XIRP2: variants seen among roughly 807,000 people sequenced by gnomAD.
XIRP2 encodes the protein xin actin binding repeat containing 2, also known as xin actin-binding repeat-containing protein 2.
XIRP2 carries 236 observed loss-of-function variants against 277.0 expected under a neutral mutation model. The observed-to-expected ratio is 0.85, with a 90% CI of 0.77 to 0.95. The LOEUF is 0.95. XIRP2 is among the 40% of genes least tolerant of loss of function. The probability of loss-of-function intolerance (pLI) is 0.00; values close to 1 mark genes in which losing one functional copy is unlikely to be tolerated. For missense variants in XIRP2, 4,640 were observed against 4,157.5 expected (o/e 1.12, Z -3.19); for synonymous variants, 1,490 against 1,416.5 (o/e 1.05, Z -1.17).
chr2:167,151,920 G>C (rs1176002344), intron 3 of XIRP2, among the ~76,000 whole-genome samples: 1 of 151,972 alleles, frequency 6.6e-6, no homozygotes, highest in Non-Finnish European at 1.5e-5. Flanking sequence ...CTTGAGCCTG[G>C]CAAGATGTTT....
intron 2 of XIRP2, among the ~76,000 whole-genome samples, chr2:166,941,385 G>T (rs1169125834): frequency 6.6e-6 from 1 of 152,190 alleles, no homozygotes; most frequent in Non-Finnish European, 1.5e-5. Flanking sequence ...CTGACCCCTT[G>T]CACTTCCCAG....
At chr2:167,031,474 A>G (rs1436263581) in intron 2 of XIRP2, among the ~76,000 whole-genome samples, 1 of 152,110 alleles carries the variant, frequency 6.6e-6, no homozygotes, top group African/African-American at 2.4e-5. Flanking sequence ...GCTGGATATG[A>G]AATTCTGGTT....
intron 5 of XIRP2, among the ~76,000 whole-genome samples, chr2:167,229,829 C>A (rs574177465): frequency 9.9e-5 from 15 of 152,156 alleles, no homozygotes; most frequent in Non-Finnish European, 1.9e-4. Context: ...GTTAGGGTAA[C>A]TTCATTTTTG....
intron 3 of XIRP2, among the ~76,000 whole-genome samples, chr2:167,202,958 G>A (rs1450498055): frequency 1.3e-5 from 2 of 152,004 alleles, no homozygotes; most frequent in South Asian, 2.1e-4. Context: ...TCCCATCTTC[G>A]AAGCCAGCAG....
intron 2 of XIRP2, among the ~76,000 whole-genome samples, chr2:166,926,936 A>T (rs1012618360): frequency 1.3e-5 from 2 of 152,144 alleles, no homozygotes; most frequent in African/African-American, 4.8e-5. Flanking sequence ...TGCTTATTTT[A>T]AATAGTCAAC....
intron 1 of XIRP2, among the ~76,000 whole-genome samples, chr2:166,892,715 C>A (rs1255795493): frequency 6.6e-6 from 1 of 151,268 alleles, no homozygotes; most frequent in Non-Finnish European, 1.5e-5. Context: ...TCTGAAATAA[C>A]CTTTGATGGG....
chr2:167,249,081 G>C lies in XIRP2; in HGVS notation c.7689G>C (p.Gln2563His). 3 of 1,613,444 alleles carry C rather than the reference G, an allele frequency of 1.9e-6. No individual in the cohort carries two copies. The highest frequency in any genetic ancestry group is 2.5e-6 in the Non-Finnish European group (3 of 1,179,752). ...AAGAAGAAATTGAAAAACAGAAACA[G>C]GAGAGTTCTTACTACAACATTGTTA... Reference protein sequence around the residue: ...QQKEEIEKQKQESSYYNIVKT... With the variant: ...QQKEEIEKQKHESSYYNIVKT... Residue 2563 changes from glutamine (Q) to histidine (H), a missense_variant, in exon 9 of 11, where the codon CAG (glutamine) becomes CAC (histidine). Coordinates refer to ENST00000409195, the MANE Select transcript of XIRP2 (RefSeq NM_152381.6).
At chr2:167,105,537 G>T (rs966024671) in intron 2 of XIRP2, among the ~76,000 whole-genome samples, 2 of 151,796 alleles carry the variant, frequency 1.3e-5, no homozygotes, top group Non-Finnish European at 2.9e-5. Context: ...ATACCAGATT[G>T]TTTAACTATT....
At chr2:166,964,904 G>C (rs928298756) in intron 2 of XIRP2, among the ~76,000 whole-genome samples, 1 of 151,618 alleles carries the variant, frequency 6.6e-6, no homozygotes, top group African/African-American at 2.4e-5. Flanking sequence ...TAACCCAAAG[G>C]TTTGTTTTTC....
At chr2:166,980,688 G>A (rs1225505012) in intron 2 of XIRP2, among the ~76,000 whole-genome samples, 1 of 152,120 alleles carries the variant, frequency 6.6e-6, no homozygotes, top group African/African-American at 2.4e-5. Flanking sequence ...AAAATTCTGG[G>A]ATTACAGGCA....
chr2:167,022,170 T>C (rs1170275132), intron 2 of XIRP2, among the ~76,000 whole-genome samples: 2 of 152,118 alleles, frequency 1.3e-5, no homozygotes, highest in African/African-American at 4.8e-5. Flanking sequence ...AGGAAGAATA[T>C]CTTTACAAAC....
intron 5 of XIRP2, among the ~76,000 whole-genome samples, chr2:167,231,702 A>G (rs1379054603): frequency 6.6e-6 from 1 of 152,012 alleles, no homozygotes; most frequent in African/African-American, 2.4e-5. Flanking sequence ...CCAGGTGTGC[A>G]GAAAAGACTA....
At chr2:167,213,732 G>A (rs554944575) in intron 4 of XIRP2, among the ~76,000 whole-genome samples, 21 of 152,244 alleles carry the variant, frequency 1.4e-4, no homozygotes, top group African/African-American at 3.9e-4. Context: ...CATTACTCCC[G>A]GTTATGACCA....
intron 3 of XIRP2, among the ~76,000 whole-genome samples, chr2:167,172,698 T>C (rs576464797): frequency 7.0e-4 from 106 of 152,348 alleles, no homozygotes; most frequent in African/African-American, 2.5e-3. Flanking sequence ...CCAGACCTAA[T>C]GGTCATTTCC....
chr2:166,902,610 G>A, intron 1 of XIRP2, among the ~76,000 whole-genome samples: 1 of 152,028 alleles, frequency 6.6e-6, no homozygotes, highest in East Asian at 1.9e-4. Flanking sequence ...GTGTGTGTGT[G>A]TGTGTTTGTG....
chr2:167,251,299 C>T lies in XIRP2; in HGVS notation c.9907C>T (p.Pro3303Ser). Residue 3303 changes from proline to serine, a missense_variant, in exon 9 of 11, where the codon CCT becomes TCT. Transcript: ENST00000409195. Reference sequence around the variant, plus strand: ...AATCATCCGCAAGGTTGCAGTGCCTCCTCGCCTGTCAGAGCACACACAGAG... The same window carrying T: ...AATCATCCGCAAGGTTGCAGTGCCTTCTCGCCTGTCAGAGCACACACAGAG... ...VEIIRKVAVP[P>S]RLSEHTQRYE... 1 of 1,613,576 alleles carries T rather than the reference C, an allele frequency of 6.2e-7. No homozygotes were observed.
At chr2:167,137,427 G>A (rs1691587346) in intron 3 of XIRP2, among the ~76,000 whole-genome samples, 1 of 152,130 alleles carries the variant, frequency 6.6e-6, no homozygotes. Flanking sequence ...AGAGGCCAAG[G>A]AAAAAGAAGC....
At chr2:167,105,391 C>T (rs1690591999) in intron 2 of XIRP2, among the ~76,000 whole-genome samples, 1 of 151,940 alleles carries the variant, frequency 6.6e-6, no homozygotes, top group African/African-American at 2.4e-5. Context: ...TAAGAATGTT[C>T]TGTAAATGGA....
At chr2:166,890,947 A>C (rs368424091) in intron 1 of XIRP2, among the ~76,000 whole-genome samples, 1 of 152,136 alleles carries the variant, frequency 6.6e-6, no homozygotes, top group African/African-American at 2.4e-5. Context: ...TAGCACAAAC[A>C]GGGGTTATGG....
Sources: allele counts gnomAD v4.1 joint callset (sites outside exome capture counted in the v4.1 genomes callset), GRCh38; gene constraint gnomAD v4.1.1; transcripts MANE v1.5; gene names NCBI Gene and HGNC (gene_info 2026-07-23, HGNC 2026-07-21).